The following LY75 variants were observed in gnomAD, a reference collection of about 807,000 sequenced individuals.
The protein encoded by LY75 is lymphocyte antigen 75, also known as C-type lectin domain family 13 member B.
In LY75, 185 loss-of-function variants were observed where a neutral mutation model predicts 231.7. The ratio of observed to expected loss-of-function variants is 0.80; its 90% CI spans 0.71 to 0.90. LY75 has a LOEUF of 0.90. Among genes scored for constraint, LY75 ranks in the 40% least tolerant of loss-of-function variants. LY75 has a pLI of 0.00. For missense variants in LY75, 1,947 were observed against 2,050.2 expected, an observed-to-expected ratio of 0.95 and a Z score of 0.97; for synonymous variants, 668 against 689.0, an observed-to-expected ratio of 0.97 and a Z score of 0.48.
At chr2:159,902,169 G>T (rs11691616) in intron 1 of LY75, among the ~76,000 whole-genome samples, 1 of 151,968 alleles carries the variant, frequency 6.6e-6, no homozygotes, top group Admixed American at 6.5e-5. Flanking sequence ...CTTTCTACTG[G>T]GTTTTGTTCA....
At chr2:159,825,417 G>A (rs1483930385) in intron 28 of LY75, among the ~76,000 whole-genome samples, 1 of 152,168 alleles carries the variant, frequency 6.6e-6, no homozygotes, top group Non-Finnish European at 1.5e-5. Context: ...GGAAGAAGCT[G>A]AATCCCTGAA....
chr2:159,865,198 G>C (rs1466554276), intron 13 of LY75, among the ~76,000 whole-genome samples: 1 of 152,164 alleles, frequency 6.6e-6, no homozygotes, highest in Non-Finnish European at 1.5e-5. Context: ...GACTTTTACT[G>C]TAGTGCTTGA....
Position 159,852,204 on chromosome 2 carries a change from A to T in LY75, c.2880T>A (p.Asn960Lys). Residue 960 changes from asparagine (N) to lysine (K), a missense_variant, in exon 21 of 35, where the codon AAT becomes AAA. Coordinates refer to ENST00000263636, the MANE Select transcript of LY75 (RefSeq NM_002349.4). ...AATGTAGCAATTCTCTTTTTACCTT[A>T]TTCTGAAAAGGAATCCATTGCTCAG... ...QCSEQWIPFQ[N>K]KCFLKIKPVS... 3.7e-6 allele frequency: 6 copies of T among 1,613,298 alleles called. No homozygotes were observed. Among genetic ancestry groups the T allele is most frequent in the Non-Finnish European group, 5.1e-6 (6 of 1,179,676 alleles).
rs145888329 is a variant in LY75 at position 159,887,861 on chromosome 2, C to T, written c.803-1331G>A. Among the ~76,000 whole-genome samples, 579 of 152,250 alleles carry T rather than the reference C, an allele frequency of 3.8e-3. 6 individuals carry two copies. The highest frequency in any genetic ancestry group is 0.013 in the African/African-American group (539 of 41,560). Reference sequence around the variant, plus strand: ...TAAAGAAAACTGATGCATAAAGAATCGTGCAACATTTGATTGTCACACTTT... The same window carrying T: ...TAAAGAAAACTGATGCATAAAGAATTGTGCAACATTTGATTGTCACACTTT... On this transcript the variant is annotated intron_variant, in intron 4 of 34. Transcript: ENST00000263636.
chr2:159,887,733 T>G (rs1685638845), intron 4 of LY75, among the ~76,000 whole-genome samples: 1 of 152,058 alleles, frequency 6.6e-6, no homozygotes, highest in Non-Finnish European at 1.5e-5. Context: ...TAGAAACAGA[T>G]ATACTTCTAA....
chr2:159,899,216 G>T, intron 1 of LY75, 157 bp from the exon 2 acceptor site: 1 of 874,160 alleles, frequency 1.1e-6, no homozygotes, highest in Non-Finnish European at 1.4e-6. Context: ...GGACAGTGGT[G>T]AGCAGAGAGG....
At chr2:159,895,547 A>T (rs1457857290) in intron 2 of LY75, among the ~76,000 whole-genome samples, 2 of 152,320 alleles carry the variant, frequency 1.3e-5, no homozygotes, top group East Asian at 3.9e-4. Flanking sequence ...TTTGTTCTTT[A>T]TCATAAACCT....
intron 28 of LY75, among the ~76,000 whole-genome samples, chr2:159,824,409 A>G (rs1381061027): frequency 6.6e-6 from 1 of 152,236 alleles, no homozygotes; most frequent in African/African-American, 2.4e-5. Flanking sequence ...ATGCAGCAAG[A>G]AGAGTTAACT....
intron 7 of LY75, among the ~76,000 whole-genome samples, chr2:159,881,567 G>T (rs770360300): frequency 6.6e-6 from 1 of 152,036 alleles, no homozygotes; most frequent in Non-Finnish European, 1.5e-5. Flanking sequence ...GTCCACTGCT[G>T]CCCTGGTATG....
In LY75 at chr2:159,821,633, GAAAAGA is replaced by G. The variant is rs1392797842; in HGVS notation, c.3959-1719_3959-1714del. On this transcript the variant is annotated intron_variant, in intron 28 of 34. Transcript: ENST00000263636. The stretch of plus-strand genomic sequence containing the variant: ...AAAGTCTGTCTCAAAAAAAAAAAAA[GAAAAGA>G]AAAGAAAGAAAACATAGGAGTAAGT... Among the ~76,000 whole-genome samples the G allele has an allele frequency of 4.9e-4, 9 of 18,252 alleles. No homozygotes were observed. In the East Asian group the frequency reaches 0.033, roughly 66 times the overall value. 12.0% of individuals were successfully genotyped at this position (18,252 alleles called of 152,430 possible).
Position 159,850,080 on chromosome 2 carries a change from G to C in LY75, c.3050C>G (p.Thr1017Ser), listed in dbSNP as rs1453097438. ...EATLWIGLRW[T>S]AYEKINKWTD... ...CCATTTGTTTATCTTTTCATAGGCAGTCCAGCGCAAACCAATCCATAAAGT... is the reference window on the plus strand; with the variant it reads ...CCATTTGTTTATCTTTTCATAGGCACTCCAGCGCAAACCAATCCATAAAGT... The change falls in exon 23 of 35, where the codon ACT becomes AGT. Residue 1017 changes from threonine to serine, a missense_variant. Coordinates refer to ENST00000263636, the MANE Select transcript of LY75 (RefSeq NM_002349.4). 1 of 1,613,808 alleles carries C rather than the reference G, an allele frequency of 6.2e-7. No individual in the cohort carries two copies. Among genetic ancestry groups the C allele is most frequent in the African/African-American group, 1.3e-5 (1 of 74,906 alleles).
intron 13 of LY75, among the ~76,000 whole-genome samples, chr2:159,866,849 A>G (rs1160618542): frequency 6.6e-6 from 1 of 152,166 alleles, no homozygotes; most frequent in Non-Finnish European, 1.5e-5. Context: ...TACACAATCC[A>G]CAATACAACC....
intron 12 of LY75, among the ~76,000 whole-genome samples, chr2:159,873,589 A>T (rs1685082413): frequency 6.6e-6 from 1 of 152,114 alleles, no homozygotes; most frequent in African/African-American, 2.4e-5. Context: ...GCTGGCCTGA[A>T]GATCTGTGAG....
In LY75 at chr2:159,885,178, T is replaced by G. The variant is rs1248934264; in HGVS notation, c.1029A>C (p.Pro343=). 3 of 1,613,542 alleles carry G rather than the reference T, an allele frequency of 1.9e-6. No individual in the cohort carries two copies. The highest frequency in any genetic ancestry group is 2.5e-6 in the Non-Finnish European group (3 of 1,179,644). ...EAQLPYVCRK[P]LNNTVELTDV... ...CTGTTAACTCCACTGTATTATTTAA[T>G]GGTTTCCTGCAGACATAGGGCAGTT... The change falls in exon 6 of 35, where the codon CCA becomes CCC. Residue 343 remains proline (P), a synonymous_variant. Transcript: ENST00000263636.
chr2:159,855,084 A>C lies in LY75; in HGVS notation c.2384-145T>G. On this transcript the variant is annotated intron_variant, in intron 16 of 34. Transcript: ENST00000263636. ...GGCCAACCCACTTCACGTTTTGATC[A>C]CTTTAGTTGTATTTTGTAGGGCCGA... The C allele has an allele frequency of 3.0e-6, 3 of 990,512 alleles. No individual in the cohort carries two copies. In the South Asian group the frequency reaches 5.0e-5, roughly 17 times the overall value. 61.4% of individuals were successfully genotyped at this position (990,512 alleles called of 1,614,324 possible). A position where few individuals can be genotyped will look rare whatever the true frequency, so the allele number is the denominator to read the frequency against.
chr2:159,859,898 A>G (rs1021329814), intron 15 of LY75, among the ~76,000 whole-genome samples: 1 of 152,176 alleles, frequency 6.6e-6, no homozygotes, highest in African/African-American at 2.4e-5. Flanking sequence ...CACCACCACC[A>G]TGGACCATCA....
chr2:159,804,082 C>T lies in LY75; in HGVS notation c.*962G>A, dbSNP rs909439554. ...TTCCCACACTTGGGAAAATGTTAAG[C>T]ACTAAATCTTTAAAAGTCATTGTTT... On this transcript the variant is annotated 3_prime_UTR_variant, in exon 35 of 35. Transcript: ENST00000263636. 5 of 152,094 alleles carry T rather than the reference C, an allele frequency of 3.3e-5. No homozygotes were observed. Among genetic ancestry groups the T allele is most frequent in the African/African-American group, 1.2e-4 (5 of 41,398 alleles). The allele number at this position is 152,094 out of a possible 1,614,324, so 9.4% of individuals were successfully genotyped here. A position where few individuals can be genotyped will look rare whatever the true frequency, so the allele number is the denominator to read the frequency against.
At chr2:159,903,940 G>A (rs2125889470) in intron 1 of LY75, among the ~76,000 whole-genome samples, 1 of 152,372 alleles carries the variant, frequency 6.6e-6, no homozygotes, top group African/African-American at 2.4e-5. Flanking sequence ...CCGTGAGGCT[G>A]TCAGCCTTGG....
intron 17 of LY75, 33 bp from the exon 18 acceptor site, chr2:159,854,568 G>A (rs368829073): frequency 6.2e-7 from 1 of 1,604,452 alleles, no homozygotes; most frequent in Non-Finnish European, 8.5e-7. Flanking sequence ...TTAGAATTAT[G>A]ACTATGCAAA....
Sources: gnomAD v4.1 joint callset for allele counts (sites outside exome capture counted in the v4.1 genomes callset) on GRCh38, gnomAD v4.1.1 for gene constraint, MANE v1.5 for transcripts, NCBI Gene and HGNC (gene_info 2026-07-23, HGNC 2026-07-21) for gene names.